The following ARAP1 variants were observed in gnomAD, a reference collection of about 807,000 sequenced individuals.
ARAP1 encodes the protein arf-GAP with Rho-GAP domain, ANK repeat and PH domain-containing protein 1.
A neutral mutation model predicts 172.2 loss-of-function variants in ARAP1; 76 were observed. The observed-to-expected ratio is 0.44, with a 90% confidence interval of 0.37 to 0.53. The LOEUF (loss-of-function observed/expected upper bound fraction) is 0.53, where lower values mean the gene tolerates loss of function less well. Among genes scored for constraint, ARAP1 ranks in the 20% least tolerant of loss-of-function variants. The probability of loss-of-function intolerance (pLI) is 0.00; values close to 1 mark genes in which losing one functional copy is unlikely to be tolerated. For synonymous variants in ARAP1, 804 were observed against 803.3 expected (o/e 1.00, Z -0.01); for missense variants, 1,686 against 1,977.5 (o/e 0.85, Z 2.80).
At position 72,686,101 on chromosome 11, in the gene ARAP1, G is replaced by C. The variant is rs759749576; in HGVS notation, c.4276C>G (p.Arg1426Gly). Reference sequence around the variant, plus strand: ...CGGCGCATTTCATTTTCACTACCTCGAAGGGGGATCAGTGACACACTACCC... The same window carrying C: ...CGGCGCATTTCATTTTCACTACCTCCAAGGGGGATCAGTGACACACTACCC... ...RLGSVSLIPL[R>G]GSENEMRRSV... Residue 1426 changes from arginine (R) to glycine (G), a missense_variant, in exon 34 of 35, where the codon CGA becomes GGA. By Grantham distance (125) the Arg-to-Gly change is moderately radical. Around this residue, in one of 5 missense-constraint regions of ARAP1, gnomAD observed 379 missense variants for 500.1 expected, o/e 0.76. Transcript: ENST00000393609. 2.5e-6 allele frequency: 4 copies of C among 1,614,102 alleles called. No homozygotes were observed. In the South Asian group the frequency reaches 4.4e-5, roughly 18 times the overall value.
At chr11:72,688,773 C>A (rs1029749515) in intron 30 of ARAP1, 2 of 491,498 alleles carry the variant, frequency 4.1e-6, no homozygotes, top group African/African-American at 2.0e-5. Context: ...AGACAGTCAA[C>A]CCTCAGTCTC....
At chr11:72,709,732 AG>A in intron 11 of ARAP1, 137 bp downstream of exon 11, 1 of 838,444 alleles carries the variant, frequency 1.2e-6, no homozygotes, top group South Asian at 1.5e-5. Flanking sequence ...GTGACGGGAG[AG>A]GGGCTCCACA....
intron 3 of ARAP1, among the ~76,000 whole-genome samples, chr11:72,717,320 G>A (rs1025251987): frequency 1.3e-5 from 2 of 152,142 alleles, no homozygotes; most frequent in Non-Finnish European, 2.9e-5. Context: ...GTCAGGCCAG[G>A]GCCAGTCAGA....
In ARAP1 at chr11:72,701,736, C is replaced by G. The variant is rs576852331; in HGVS notation, c.2215G>C (p.Val739Leu). The G allele has an allele frequency of 1.2e-5, 20 of 1,614,012 alleles. No homozygotes were observed. In the South Asian group the frequency reaches 2.2e-4, roughly 18 times the overall value. Reference sequence around the variant, plus strand: ...CTGTGGCTCACGGTCGGCAGGACAACTGAGTAGTGCTTTTCCAGGGGCTTC... The same window carrying G: ...CTGTGGCTCACGGTCGGCAGGACAAGTGAGTAGTGCTTTTCCAGGGGCTTC... ...SMKPLEKHYS[V>L]VLPTVSHSGF... The change falls in exon 16 of 35, where the codon GTT becomes CTT. Residue 739 changes from valine to leucine, a missense_variant. This residue lies in a region of ARAP1 where 688 missense variants were observed against 856.9 expected (regional missense o/e 0.80). Coordinates refer to ENST00000393609, the MANE Select transcript of ARAP1 (RefSeq NM_001040118.3).
Position 72,695,304 on chromosome 11 carries a change from A to C in ARAP1, c.3576+83T>G. On this transcript the variant is annotated intron_variant, in intron 26 of 34. Transcript: ENST00000393609. This position sits in a 1 kb window ranked among gnomAD's most constrained non-coding sequence, Gnocchi z 4.4. The stretch of plus-strand genomic sequence containing the variant: ...AAACTGGTCCTCTCCTCGGGGTAGA[A>C]GCACTGCTCCCCTGGCCATCTGAGC... 20 of 1,575,892 alleles carry C rather than the reference A, an allele frequency of 1.3e-5. No individual in the cohort carries two copies. The highest frequency in any genetic ancestry group is 1.7e-5 in the Non-Finnish European group (20 of 1,147,966).
intron 3 of ARAP1, among the ~76,000 whole-genome samples, chr11:72,717,172 G>A (rs1301378425): frequency 6.6e-6 from 1 of 152,148 alleles, no homozygotes; most frequent in Non-Finnish European, 1.5e-5. Flanking sequence ...CTGGGGTGCT[G>A]GCCCCAGCTG....
intron 1 of ARAP1, among the ~76,000 whole-genome samples, chr11:72,743,910 C>T (rs1305885978): frequency 6.6e-6 from 1 of 152,070 alleles, no homozygotes; most frequent in African/African-American, 2.4e-5. Flanking sequence ...CCCCCATTAC[C>T]CAGTGGGGCT....
chr11:72,701,861 G>A, intron 15 of ARAP1, 78 bp from the exon 16 acceptor site: 1 of 1,539,602 alleles, frequency 6.5e-7, no homozygotes. Flanking sequence ...ACCTGGCCTG[G>A]GCATTCAGGC....
rs746788535 is a variant in ARAP1, at chr11:72,736,196, AC to A, written c.-127-3600del. On this transcript the variant is annotated intron_variant, in intron 1 of 34. Transcript: ENST00000393609. ...TAAATATTATATACCTTGAATACTG[AC>A]CTTTTTAAAATAAATAGTTATTGCT... Among the ~76,000 whole-genome samples the A allele has an allele frequency of 5.3e-5, 8 of 149,838 alleles. No homozygotes were observed. In the East Asian group the frequency reaches 1.6e-3, roughly 29 times the overall value.
intron 1 of ARAP1, among the ~76,000 whole-genome samples, chr11:72,750,123 C>A (rs1299416342): frequency 6.6e-6 from 1 of 152,214 alleles, no homozygotes; most frequent in Non-Finnish European, 1.5e-5. Context: ...CCTACTGCAT[C>A]CCCTCCTGAT....
At chr11:72,703,901 G>C in intron 14 of ARAP1, 1 of 538,234 alleles carries the variant, frequency 1.9e-6, no homozygotes, top group South Asian at 2.2e-5. Context: ...GGAGACTGAG[G>C]AATTGGGAGA....
At chr11:72,702,388 G>T (rs568839607) in intron 15 of ARAP1, among the ~76,000 whole-genome samples, 1 of 151,870 alleles carries the variant, frequency 6.6e-6, no homozygotes, top group South Asian at 2.1e-4. Context: ...CCTGGGCCAC[G>T]AGCTGTGCTG....
At chr11:72,750,640 TG>T (rs1858506156) in intron 1 of ARAP1, among the ~76,000 whole-genome samples, 1 of 152,168 alleles carries the variant, frequency 6.6e-6, no homozygotes, top group Admixed American at 6.5e-5. Context: ...CGTCTCTCTT[TG>T]GGGCATGAGG....
rs143873269 is a variant in ARAP1 at position 72,695,844 on chromosome 11, C to T, written c.3294G>A (p.Thr1098=). The T allele has an allele frequency of 2.5e-4, 408 of 1,613,138 alleles. No homozygotes were observed. The highest frequency in any genetic ancestry group is 3.2e-4 in the Non-Finnish European group (380 of 1,179,508). The change falls in exon 24 of 35, where the codon ACG becomes ACA. Residue 1098 remains threonine (T), a synonymous_variant. Coordinates refer to ENST00000393609, the MANE Select transcript of ARAP1 (RefSeq NM_001040118.3). This position sits in a 1 kb window ranked among gnomAD's most constrained non-coding sequence, Gnocchi z 4.4. ...CCAGGTTGTGCACGTTCATCTGGTT[C>T]GTGTCTGAGAAGCACTGAACACTGG... ...HLYCVQCFSD[T]NQMNVHNLAI...
rs1313937189 is a variant in ARAP1 at position 72,699,427 on chromosome 11, C to G, written c.2428G>C (p.Asp810His). The G allele has an allele frequency of 6.2e-7, 1 of 1,614,096 alleles. No individual in the cohort carries two copies. Among genetic ancestry groups the G allele is most frequent in the East Asian group, 2.2e-5 (1 of 44,882 alleles). ...EIVCLAVPPP[D>H]THGFEHTFEV... ...CCCAGGAGTACTCACCCATGGGTGT[C>G]AGGAGGGGGCACTGCCAGGCACACA... is the stretch of plus-strand genomic sequence containing the variant. Residue 810 changes from aspartate (D) to histidine (H), a missense_variant, in exon 17 of 35, where the codon GAC becomes CAC. Asp to His is a moderately conservative substitution (Grantham distance 81). Coordinates refer to ENST00000393609, the MANE Select transcript of ARAP1 (RefSeq NM_001040118.3). This position sits in a 1 kb window ranked among gnomAD's most constrained non-coding sequence, Gnocchi z 4.2.
At chr11:72,697,233 C>CA (rs746663916) in intron 21 of ARAP1, 38 bp from the exon 22 acceptor site, 9 of 1,498,206 alleles carry the variant, frequency 6.0e-6, no homozygotes, top group Middle Eastern at 1.8e-4. Flanking sequence ...GGGCCTGAGG[C>CA]ATAGAGTCAT....
At chr11:72,694,901 G>T (rs988708494) in intron 27 of ARAP1, 79 bp downstream of exon 27, 127 of 1,256,074 alleles carry the variant, frequency 1.0e-4, no homozygotes, top group Admixed American at 1.8e-4. Context: ...TCATGTGCAG[G>T]GTAGGGGAGG....
intron 33 of ARAP1, among the ~76,000 whole-genome samples, chr11:72,686,958 G>C (rs1367353224): frequency 2.6e-5 from 4 of 152,172 alleles, no homozygotes; most frequent in African/African-American, 4.8e-5. Context: ...TTCCTGTGCT[G>C]ACTTCCAGCA....
intron 27 of ARAP1, among the ~76,000 whole-genome samples, chr11:72,694,245 G>A (rs973114251): frequency 2.0e-5 from 3 of 151,738 alleles, no homozygotes; most frequent in African/African-American, 7.3e-5. Context: ...GGCCTTCAAA[G>A]TGTGCTCTAA....
Sources: gnomAD v4.1 joint callset for allele counts (sites outside exome capture counted in the v4.1 genomes callset) on GRCh38, gnomAD v4.1.1 for gene constraint, gnomAD v4.1.1 regional missense constraint, Gnocchi (gnomAD v3.1) non-coding constraint, MANE v1.5 for transcripts, NCBI Gene and HGNC (gene_info 2026-07-23, HGNC 2026-07-21) for gene names.